FAAH2: variants seen among roughly 807,000 people sequenced by gnomAD.
FAAH2 encodes the protein fatty-acid amide hydrolase 2.
FAAH2 carries 60 observed loss-of-function variants against 36.9 expected under a neutral mutation model. The observed-to-expected ratio is 1.63, with a 90% CI of 1.32 to 2.02. FAAH2 has a LOEUF of 2.02. FAAH2 is among the 30% of genes most tolerant of loss of function. The pLI is 0.00. For missense variants in FAAH2, 689 were observed against 397.5 expected (o/e 1.73, Z -6.23); for synonymous variants, 214 against 143.8 (o/e 1.49, Z -3.49).
chrX:57,309,035 C>T (rs1166945830), intron 2 of FAAH2, among the ~76,000 whole-genome samples: 1 of 111,123 alleles, frequency 9.0e-6, no homozygotes, highest in African/African-American at 3.3e-5. Flanking sequence ...TCCAGTGAGC[C>T]CAAAGATATT....
At chrX:57,284,852 G>A (rs913157408), upstream of FAAH2, among the ~76,000 whole-genome samples, 14 of 111,569 alleles carry the variant, frequency 1.3e-4, no homozygotes, top group Admixed American at 1.3e-3. Flanking sequence ...AACACACCTA[G>A]GGACATTAAG....
the FAAH2 span, among the ~76,000 whole-genome samples, chrX:57,207,062 T>G: frequency 9.0e-6 from 1 of 110,873 alleles, no homozygotes; most frequent in Admixed American, 9.7e-5. Flanking sequence ...ATACTAAACC[T>G]TGGTGAGAAC....
chrX:57,211,360 C>A, the FAAH2 span, among the ~76,000 whole-genome samples: 1 of 111,283 alleles, frequency 9.0e-6, no homozygotes, highest in South Asian at 3.8e-4. Context: ...AACTGCCTTC[C>A]AACACCCATC....
At chrX:57,134,642 G>A in the FAAH2 span, 1 of 111,444 alleles carries the variant, frequency 9.0e-6, no homozygotes. Context: ...AGTTCAGTAA[G>A]ATTTCATTTT....
intron 2 of FAAH2, among the ~76,000 whole-genome samples, chrX:57,293,239 A>G (rs2052037530): frequency 9.0e-6 from 1 of 111,345 alleles, no homozygotes; most frequent in African/African-American, 3.3e-5. Context: ...AAATTGAGTC[A>G]CTTATTCTAA....
At chrX:57,403,096 C>G (rs2055478982) in intron 7 of FAAH2, among the ~76,000 whole-genome samples, 1 of 111,897 alleles carries the variant, frequency 8.9e-6, no homozygotes. Context: ...TAATTTGCTT[C>G]AAGTCTGAGA....
chrX:57,243,657 C>T, the FAAH2 span, among the ~76,000 whole-genome samples: 1 of 111,738 alleles, frequency 8.9e-6, no homozygotes, highest in Non-Finnish European at 1.9e-5. Flanking sequence ...AGCAGAGGGG[C>T]CTGACTGTTA....
At chrX:57,377,062 G>C in intron 5 of FAAH2, among the ~76,000 whole-genome samples, 1 of 112,462 alleles carries the variant, frequency 8.9e-6, no homozygotes, top group Non-Finnish European at 1.9e-5. Flanking sequence ...ATCTTTGTCA[G>C]ATGGATAGAT....
chrX:57,414,222 C>T (rs1262408256), intron 7 of FAAH2, among the ~76,000 whole-genome samples: 4 of 111,797 alleles, frequency 3.6e-5, no homozygotes, highest in Admixed American at 9.5e-5. Context: ...TGCCCGATTG[C>T]CCTGGCCAGA....
chrX:57,483,773 G>A (rs2057421658), intron 10 of FAAH2, among the ~76,000 whole-genome samples: 1 of 98,178 alleles, frequency 1.0e-5, no homozygotes, highest in Non-Finnish European at 2.0e-5. Flanking sequence ...GTGCACTGGG[G>A]GCAACTTTTT....
intron 3 of FAAH2, among the ~76,000 whole-genome samples, chrX:57,329,750 C>A (rs1244840195): frequency 6.3e-5 from 7 of 110,633 alleles, no homozygotes; most frequent in Non-Finnish European, 1.1e-4. Flanking sequence ...TGCAGGAAGT[C>A]AGGGACCCCA....
At chrX:57,394,714 C>G in intron 7 of FAAH2, 1 of 867,935 alleles carries the variant, frequency 1.2e-6, no homozygotes, top group Admixed American at 2.2e-5. Flanking sequence ...ATTGATTCCA[C>G]AGTTGATGAC....
At chrX:57,354,178 A>T (rs1569285947) in intron 5 of FAAH2, among the ~76,000 whole-genome samples, 2 of 111,227 alleles carry the variant, frequency 1.8e-5, no homozygotes, top group African/African-American at 6.5e-5. Context: ...AGAGATATGG[A>T]ATCAACCTAA....
chrX:57,343,574 G>T (rs2053744865), intron 5 of FAAH2, among the ~76,000 whole-genome samples: 1 of 111,286 alleles, frequency 9.0e-6, no homozygotes, highest in African/African-American at 3.3e-5. Flanking sequence ...TAGACTGTAT[G>T]TTTACTCTTT....
intron 5 of FAAH2, among the ~76,000 whole-genome samples, chrX:57,352,523 T>A (rs1226465595): frequency 9.1e-6 from 1 of 110,286 alleles, no homozygotes; most frequent in African/African-American, 3.3e-5. Context: ...ACTGGGGAAA[T>A]GCTGAAAGCA....
chrX:57,292,010 T>A (rs1164260879), intron 1 of FAAH2, among the ~76,000 whole-genome samples: 1 of 111,548 alleles, frequency 9.0e-6, no homozygotes, highest in Non-Finnish European at 1.9e-5. Context: ...TCTATTCATT[T>A]GAAATTCAAA....
Position 57,394,346 on chromosome X carries a change from G to A in FAAH2, c.996+13317G>A, listed in dbSNP as rs1602518592. ...AGTCACCACCTGATATTTCCCAACA[G>A]GCTGGTGCTTCAGGCGTTCTAGTGC... On this transcript the variant is annotated intron_variant, in intron 7 of 10. Coordinates refer to ENST00000374900, the MANE Select transcript of FAAH2 (RefSeq NM_174912.4). 3.4e-6 allele frequency: 4 copies of A among 1,170,925 alleles called. No individual in the cohort carries two copies. The East Asian group carries it at 8.9e-5, about 26-fold the overall frequency.
intron 3 of FAAH2, among the ~76,000 whole-genome samples, chrX:57,324,448 G>A (rs1008687795): frequency 3.6e-5 from 4 of 111,669 alleles, no homozygotes; most frequent in African/African-American, 1.3e-4. Context: ...CCATTTTCAT[G>A]ATATTGATTC....
At chrX:57,289,637 T>TA (rs2051918189) in intron 1 of FAAH2, among the ~76,000 whole-genome samples, 1 of 111,449 alleles carries the variant, frequency 9.0e-6, no homozygotes, top group African/African-American at 3.3e-5. Context: ...CTATTTATAA[T>TA]AAATATAATC....
Sources: allele counts gnomAD v4.1 joint callset (sites outside exome capture counted in the v4.1 genomes callset), GRCh38; gene constraint gnomAD v4.1.1; transcripts MANE v1.5; gene names NCBI Gene and HGNC (gene_info 2026-07-23, HGNC 2026-07-21).